The following HECA variants were observed in gnomAD, a reference collection of about 807,000 sequenced individuals.
HECA encodes headcase protein homolog.
HECA carries 13 observed loss-of-function variants against 37.6 expected under a neutral mutation model. The observed-to-expected ratio is 0.35, with a 90% CI of 0.23 to 0.55. The LOEUF is 0.55. HECA is among the 20% of genes least tolerant of loss of function. The pLI, the probability that HECA is intolerant of heterozygous loss-of-function variation, is 0.90. For synonymous variants in HECA, 307 were observed against 291.5 expected (o/e 1.05, Z -0.54); for missense variants, 527 against 701.9 (o/e 0.75, Z 2.82).
In HECA at chr6:139,160,098, GC is replaced by G. The variant is rs535020124; in HGVS notation, c.272-6184del. 3.3e-5 allele frequency among the ~76,000 whole-genome samples: 5 copies of G among 152,274 alleles called. No homozygotes were observed. The South Asian group carries it at 1.0e-3, about 32-fold the overall frequency. On this transcript the variant is annotated intron_variant, in intron 1 of 3. Coordinates refer to ENST00000367658, the MANE Select transcript of HECA (RefSeq NM_016217.3). The stretch of plus-strand genomic sequence containing the variant: ...GATAGGCTTGGCCCAGGTGACTGCA[GC>G]CTAGCTACCCTGTTATCCAGACTTG...
At position 139,166,453 on chromosome 6, in the gene HECA, C is replaced by G. The variant is rs772410574; in HGVS notation, c.441C>G (p.Cys147Trp). ...WESSILVQFNCIGRARSWNEK... is the reference protein window; with the variant it reads ...WESSILVQFNWIGRARSWNEK... ...GCAGCATCCTCGTCCAGTTCAACTG[C>G]ATCGGCCGCGCGCGCAGCTGGAACG... Residue 147 changes from cysteine (C) to tryptophan (W), a missense_variant, in exon 2 of 4, where the codon TGC (cysteine) becomes TGG (tryptophan). Physicochemically the swap from Cys to Trp is radical, Grantham distance 215. Around this residue, in one of 4 missense-constraint regions of HECA, gnomAD observed 172 missense variants for 197.6 expected, o/e 0.87. Coordinates refer to ENST00000367658, the MANE Select transcript of HECA (RefSeq NM_016217.3). The G allele has an allele frequency of 2.5e-6, 4 of 1,614,238 alleles. No individual in the cohort carries two copies. The highest frequency in any genetic ancestry group is 3.4e-6 in the Non-Finnish European group (4 of 1,180,024).
chr6:139,169,770 A>C (rs1225532156), intron 2 of HECA: 2 of 152,248 alleles, frequency 1.3e-5, no homozygotes, highest in African/African-American at 2.4e-5. Context: ...TGGAAGCTGC[A>C]GAGTCTGTCT....
chr6:139,177,575 G>T lies in HECA; in HGVS notation c.*470G>T, dbSNP rs943451311. Reference sequence around the variant, plus strand: ...GCTAATAGTGCATTAGTCTATCTCAGCCTAGTGTTCTGCAGCACACATGGG... The same window carrying T: ...GCTAATAGTGCATTAGTCTATCTCATCCTAGTGTTCTGCAGCACACATGGG... On this transcript the variant is annotated 3_prime_UTR_variant, in exon 4 of 4. Transcript: ENST00000367658. This position sits in a 1 kb window ranked among gnomAD's most constrained non-coding sequence, Gnocchi z 4.9. 2.6e-5 allele frequency: 4 copies of T among 153,288 alleles called. No individual in the cohort carries two copies. The highest frequency in any genetic ancestry group is 9.6e-5 in the African/African-American group (4 of 41,456). The allele number at this position is 153,288 out of a possible 1,614,324, so 9.5% of individuals were successfully genotyped here. A position where few individuals can be genotyped will look rare whatever the true frequency, so the allele number is the denominator to read the frequency against.
At chr6:139,141,293 TA>T (rs1385129809) in intron 1 of HECA, among the ~76,000 whole-genome samples, 1 of 152,206 alleles carries the variant, frequency 6.6e-6, no homozygotes, top group Non-Finnish European at 1.5e-5. Context: ...ACAAAACTTT[TA>T]AAAGTACATA....
At chr6:139,151,561 CTCTTT>C (rs1774651306) in intron 1 of HECA, among the ~76,000 whole-genome samples, 1 of 152,134 alleles carries the variant, frequency 6.6e-6, no homozygotes, top group Non-Finnish European at 1.5e-5. Context: ...GAAAATCCTC[CTCTTT>C]TGAGTTTAGC....
intron 1 of HECA, among the ~76,000 whole-genome samples, chr6:139,164,084 T>A (rs939160055): frequency 6.6e-5 from 10 of 150,804 alleles, no homozygotes; most frequent in African/African-American, 2.4e-4. Context: ...ACACACACTC[T>A]CTCTCTCTCT....
At chr6:139,152,075 T>C (rs1008267924) in intron 1 of HECA, among the ~76,000 whole-genome samples, 1 of 152,240 alleles carries the variant, frequency 6.6e-6, no homozygotes, top group African/African-American at 2.4e-5. Context: ...TAGGATAAAC[T>C]ATGACACTAT....
In HECA at chr6:139,166,986, G is replaced by C. The variant is rs771267536; in HGVS notation, c.974G>C (p.Ser325Thr). Residue 325 changes from serine to threonine, a missense_variant, in exon 2 of 4, where the codon AGC becomes ACC. Physicochemically the swap from Ser to Thr is moderately conservative, Grantham distance 58. Transcript: ENST00000367658. ...TTCAGAAATGCCCACTTTGATTACA[G>C]CCCTGCGGGGTTGGCAGTTCACAGG... ...HVFRNAHFDY[S>T]PAGLAVHRGG... The C allele has an allele frequency of 6.2e-7, 1 of 1,614,226 alleles. No homozygotes were observed. The highest frequency in any genetic ancestry group is 1.7e-5 in the Admixed American group (1 of 60,026).
chr6:139,167,017 A>G lies in HECA; in HGVS notation c.1005A>G (p.Gly335=), dbSNP rs148816859. ...CGGGGTTGGCAGTTCACAGGGGGGG[A>G]CACTTCGACACCCCCGTGCAGTTCC... is the stretch of plus-strand genomic sequence containing the variant. ...SPAGLAVHRG[G]HFDTPVQFLR... The change falls in exon 2 of 4, where the codon GGA becomes GGG. Residue 335 remains glycine (G), a synonymous_variant. Transcript: ENST00000367658. The G allele has an allele frequency of 3.2e-3, 5,112 of 1,613,940 alleles. 12 individuals carry two copies. The highest frequency in any genetic ancestry group is 4.0e-3 in the Non-Finnish European group (4,755 of 1,179,978).
intron 1 of HECA, among the ~76,000 whole-genome samples, chr6:139,152,417 G>GGTGTGT (rs1562244500): frequency 2.6e-4 from 10 of 38,168 alleles, no homozygotes; most frequent in Non-Finnish European, 3.9e-4. Context: ...TGAAGCATTG[G>GGTGTGT]ATGTGTGTGT....
At chr6:139,170,829 T>C (rs73556657) in intron 2 of HECA, among the ~76,000 whole-genome samples, 106 of 152,150 alleles carry the variant, frequency 7.0e-4, no homozygotes, top group African/African-American at 2.4e-3. Flanking sequence ...GAAAGGGGTT[T>C]GAAAGGGGTG....
At chr6:139,174,109 C>T (rs900429911) in intron 2 of HECA, among the ~76,000 whole-genome samples, 2 of 152,108 alleles carry the variant, frequency 1.3e-5, no homozygotes, top group African/African-American at 4.8e-5. Context: ...TTGGATGGAC[C>T]CATTATGTAA....
intron 1 of HECA, among the ~76,000 whole-genome samples, chr6:139,146,832 A>C (rs1774591442): frequency 1.3e-5 from 2 of 152,214 alleles, no homozygotes; most frequent in Admixed American, 1.3e-4. Flanking sequence ...TGTCACAGTG[A>C]CTTTCTTTAC....
chr6:139,143,098 C>CT (rs1774535894), intron 1 of HECA, among the ~76,000 whole-genome samples: 1 of 152,156 alleles, frequency 6.6e-6, no homozygotes, highest in Non-Finnish European at 1.5e-5. Context: ...TGAAAAAAGA[C>CT]TGGGTACTTC....
chr6:139,165,503 T>C (rs768744115), intron 1 of HECA, among the ~76,000 whole-genome samples: 4 of 152,168 alleles, frequency 2.6e-5, no homozygotes, highest in African/African-American at 4.8e-5. Flanking sequence ...TATCTGCCAT[T>C]ATAGTATCAC....
chr6:139,164,080 ACTCTCT>A (rs71549028), intron 1 of HECA, among the ~76,000 whole-genome samples: 1 of 148,068 alleles, frequency 6.8e-6, no homozygotes, highest in African/African-American at 2.5e-5. Flanking sequence ...ACACACACAC[ACTCTCT>A]CTCTCTCTCT....
intron 1 of HECA, among the ~76,000 whole-genome samples, chr6:139,158,456 T>G (rs1290138535): frequency 6.8e-6 from 1 of 147,266 alleles, no homozygotes; most frequent in East Asian, 2.0e-4. Flanking sequence ...TGAGCAGAGA[T>G]CGTGCCACTG....
At chr6:139,148,056 ATATC>A (rs1774607046) in intron 1 of HECA, among the ~76,000 whole-genome samples, 1 of 152,174 alleles carries the variant, frequency 6.6e-6, no homozygotes. Flanking sequence ...TCATCAGTGA[ATATC>A]TTTTTATATT....
In HECA at chr6:139,177,848, T is replaced by C. The variant is rs963490480; in HGVS notation, c.*743T>C. 6 of 152,240 alleles carry C rather than the reference T, an allele frequency of 3.9e-5. No homozygotes were observed. The highest frequency in any genetic ancestry group is 7.2e-5 in the African/African-American group (3 of 41,460). 9.4% of individuals were successfully genotyped at this position (152,240 alleles called of 1,614,324 possible). A position where few individuals can be genotyped will look rare whatever the true frequency, so the allele number is the denominator to read the frequency against. On this transcript the variant is annotated 3_prime_UTR_variant, in exon 4 of 4. Transcript: ENST00000367658. This position sits in a 1 kb window ranked among gnomAD's most constrained non-coding sequence, Gnocchi z 4.9. ...AATTGTGTCTTTGAAGTTGGTAATA[T>C]AGCTTTTAAGGAGAACCCATGAATA... is the stretch of plus-strand genomic sequence containing the variant.
Sources: allele counts gnomAD v4.1 joint callset (sites outside exome capture counted in the v4.1 genomes callset), GRCh38; gene constraint gnomAD v4.1.1; regional missense constraint gnomAD v4.1.1; non-coding constraint Gnocchi (gnomAD v3.1); transcripts MANE v1.5; gene names NCBI Gene and HGNC (gene_info 2026-07-23, HGNC 2026-07-21).